HCRTR2: variants seen among roughly 807,000 people sequenced by gnomAD.
HCRTR2 encodes orexin receptor type 2.
Under a neutral mutation model 49.0 loss-of-function variants are expected in HCRTR2, and 22 were observed. That is an observed-to-expected ratio of 0.45 (90% confidence interval 0.32 to 0.64). HCRTR2 has a LOEUF of 0.64. Ranked by LOEUF, HCRTR2 falls within the 30% of genes least tolerant of loss-of-function variation. The pLI, the probability that HCRTR2 is intolerant of heterozygous loss-of-function variation, is 0.04. For synonymous variants in HCRTR2, 236 were observed against 205.3 expected (o/e 1.15, Z -1.28); for missense variants, 491 against 559.4 (o/e 0.88, Z 1.23).
chr6:55,258,726 T>A (rs1009888151), intron 3 of HCRTR2, among the ~76,000 whole-genome samples: 2 of 152,190 alleles, frequency 1.3e-5, no homozygotes, highest in African/African-American at 4.8e-5. Context: ...GCTTGGTTTG[T>A]AAATGCATAG....
chr6:55,161,041 C>A (rs901632474), intron 1 of HCRTR2, among the ~76,000 whole-genome samples: 3 of 152,128 alleles, frequency 2.0e-5, no homozygotes, highest in Non-Finnish European at 4.4e-5. Flanking sequence ...TTATTCTCAG[C>A]ACCACATTGC....
At chr6:55,109,394 G>A (rs1429761494) in intron 1 of HCRTR2, among the ~76,000 whole-genome samples, 2 of 151,918 alleles carry the variant, frequency 1.3e-5, no homozygotes, top group Non-Finnish European at 2.9e-5. Context: ...GCCAGAAAAA[G>A]AATTCAGAAG....
At chr6:55,176,955 G>T (rs1287497417) in intron 1 of HCRTR2, among the ~76,000 whole-genome samples, 1 of 152,022 alleles carries the variant, frequency 6.6e-6, no homozygotes, top group African/African-American at 2.4e-5. Flanking sequence ...TTAATTTTCG[G>T]CTGAATCTTT....
intron 1 of HCRTR2, among the ~76,000 whole-genome samples, chr6:55,187,280 G>T (rs1765232826): frequency 6.6e-6 from 1 of 151,822 alleles, no homozygotes; most frequent in African/African-American, 2.4e-5. Context: ...GGGCTTGGTG[G>T]CATGCGCCTG....
At chr6:55,183,373 G>A (rs918411045) in intron 1 of HCRTR2, among the ~76,000 whole-genome samples, 3 of 152,160 alleles carry the variant, frequency 2.0e-5, no homozygotes, top group African/African-American at 7.2e-5. Flanking sequence ...AATCAAAGAG[G>A]CGTGAAATAG....
chr6:55,133,390 AACACAC>A (rs940717222), intron 1 of HCRTR2, among the ~76,000 whole-genome samples: 1 of 150,706 alleles, frequency 6.6e-6, no homozygotes, highest in South Asian at 2.1e-4. Context: ...CACACAAAAA[AACACAC>A]ACACACACAC....
intron 1 of HCRTR2, among the ~76,000 whole-genome samples, chr6:55,189,992 C>T (rs1447601054): frequency 1.3e-5 from 2 of 152,156 alleles, no homozygotes; most frequent in Non-Finnish European, 2.9e-5. Flanking sequence ...TGTTCCCCAA[C>T]ATGCTATTCA....
chr6:55,121,657 AT>A (rs1764201463), intron 1 of HCRTR2, among the ~76,000 whole-genome samples: 1 of 152,040 alleles, frequency 6.6e-6, no homozygotes, highest in South Asian at 2.1e-4. Context: ...CTTATTGAGA[AT>A]TTTTAGCATG....
chr6:55,159,827 A>G (rs1764780630), intron 1 of HCRTR2, among the ~76,000 whole-genome samples: 1 of 152,252 alleles, frequency 6.6e-6, no homozygotes, highest in Non-Finnish European at 1.5e-5. Context: ...TCCAAGAAAT[A>G]TGGGAATATG....
At chr6:55,125,391 T>G (rs1764258891) in intron 1 of HCRTR2, among the ~76,000 whole-genome samples, 1 of 152,220 alleles carries the variant, frequency 6.6e-6, no homozygotes, top group South Asian at 2.1e-4. Flanking sequence ...TGGCTGGATA[T>G]AAAATTCTGG....
At chr6:55,132,684 G>A (rs1030444842) in intron 1 of HCRTR2, among the ~76,000 whole-genome samples, 1 of 151,178 alleles carries the variant, frequency 6.6e-6, no homozygotes, top group Non-Finnish European at 1.5e-5. Flanking sequence ...TGGTTAGGGA[G>A]CAAAGGAATG....
At chr6:55,133,735 G>T (rs1244435255) in intron 1 of HCRTR2, among the ~76,000 whole-genome samples, 4 of 151,010 alleles carry the variant, frequency 2.6e-5, no homozygotes, top group African/African-American at 4.9e-5. Context: ...GTCTGTCTTG[G>T]TATTCTTTTA....
At chr6:55,234,450 T>C (rs2127301287) in intron 1 of HCRTR2, among the ~76,000 whole-genome samples, 1 of 152,308 alleles carries the variant, frequency 6.6e-6, no homozygotes, top group Non-Finnish European at 1.5e-5. Flanking sequence ...ATGGCTAGAT[T>C]AATTTGAGGA....
intron 1 of HCRTR2, among the ~76,000 whole-genome samples, chr6:55,235,151 A>G (rs1766190330): frequency 6.6e-6 from 1 of 152,134 alleles, no homozygotes; most frequent in South Asian, 2.1e-4. Context: ...ACAAATCAGT[A>G]TACGGATTTC....
chr6:55,164,158 G>A (rs1376130449), intron 1 of HCRTR2, among the ~76,000 whole-genome samples: 7 of 152,074 alleles, frequency 4.6e-5, no homozygotes, highest in East Asian at 3.9e-4. Context: ...AAATAGGAAC[G>A]CTTTTACACT....
intron 1 of HCRTR2, among the ~76,000 whole-genome samples, chr6:55,202,779 T>C (rs1765534151): frequency 6.6e-6 from 1 of 152,014 alleles, no homozygotes. Context: ...GGGAGGTTGG[T>C]AAACATTCAA....
chr6:55,230,829 TG>T (rs1477750886), intron 1 of HCRTR2, among the ~76,000 whole-genome samples: 2 of 149,316 alleles, frequency 1.3e-5, no homozygotes, highest in African/African-American at 5.0e-5. Flanking sequence ...TATTATCCAA[TG>T]AAACAGGTCA....
chr6:55,219,018 C>T (rs1397986571), intron 1 of HCRTR2, among the ~76,000 whole-genome samples: 1 of 152,098 alleles, frequency 6.6e-6, no homozygotes, highest in Admixed American at 6.5e-5. Context: ...CAGATGAAGT[C>T]TCGTATATTG....
intron 3 of HCRTR2, among the ~76,000 whole-genome samples, chr6:55,256,570 C>T (rs917237537): frequency 6.6e-6 from 1 of 152,020 alleles, no homozygotes; most frequent in African/African-American, 2.4e-5. Context: ...ATCTATTACC[C>T]CAAATATCAA....
Sources: gnomAD v4.1 joint callset for allele counts (sites outside exome capture counted in the v4.1 genomes callset) on GRCh38, gnomAD v4.1.1 for gene constraint, MANE v1.5 for transcripts, NCBI Gene and HGNC (gene_info 2026-07-23, HGNC 2026-07-21) for gene names.